Variants in RGS6 observed in about 807,000 individuals in gnomAD.
RGS6 encodes the protein regulator of G protein signaling 6, also known as regulator of G-protein signaling 6.
In RGS6, 30 loss-of-function variants were observed where a neutral mutation model predicts 78.5. The observed-to-expected ratio is 0.38, with a 90% CI of 0.29 to 0.52. The LOEUF (loss-of-function observed/expected upper bound fraction) is 0.52. Ranked by LOEUF, RGS6 falls within the 20% of genes least tolerant of loss-of-function variation. RGS6 has a pLI of 0.85. For missense variants in RGS6, 495 were observed against 609.7 expected (o/e 0.81, Z 1.98); for synonymous variants, 206 against 206.0 (o/e 1.00, Z 0.00).
chr14:72,414,081 C>T (rs1166657757), intron 3 of RGS6, among the ~76,000 whole-genome samples: 3 of 152,034 alleles, frequency 2.0e-5, no homozygotes, highest in Non-Finnish European at 2.9e-5. Flanking sequence ...ATCTTTGTGG[C>T]GTTCTCTGTA....
chr14:71,990,750 A>G (rs1225933807), intron 2 of RGS6: 3 of 455,852 alleles, frequency 6.6e-6, no homozygotes, highest in African/African-American at 2.0e-5. Flanking sequence ...CCAAATTGCT[A>G]TCCTCTCTCC....
chr14:72,082,482 G>A (rs2094865301), intron 2 of RGS6, among the ~76,000 whole-genome samples: 1 of 151,874 alleles, frequency 6.6e-6, no homozygotes, highest in Non-Finnish European at 1.5e-5. Flanking sequence ...TTTGTATGTT[G>A]ATTTTGTATC....
chr14:72,001,759 A>G (rs888310742), intron 2 of RGS6, among the ~76,000 whole-genome samples: 4 of 152,108 alleles, frequency 2.6e-5, no homozygotes, highest in African/African-American at 7.2e-5. Flanking sequence ...CCTCATCTAT[A>G]TTTAAACAGT....
At chr14:72,322,262 T>C (rs114663701) in intron 2 of RGS6, among the ~76,000 whole-genome samples, 345 of 152,132 alleles carry the variant, frequency 2.3e-3, no homozygotes, top group African/African-American at 7.9e-3. Flanking sequence ...GTTAGCTCTT[T>C]ATGAAAAATC....
intron 2 of RGS6, among the ~76,000 whole-genome samples, chr14:72,001,728 T>C (rs1445554735): frequency 6.6e-6 from 1 of 152,096 alleles, no homozygotes; most frequent in Non-Finnish European, 1.5e-5. Context: ...ATGAGTACTT[T>C]TCCCCTGGTG....
intron 2 of RGS6, among the ~76,000 whole-genome samples, chr14:72,093,906 G>A (rs1388229151): frequency 1.3e-5 from 2 of 152,034 alleles, no homozygotes; most frequent in Non-Finnish European, 2.9e-5. Context: ...GGTTCTAGAG[G>A]TAAACAGAAC....
intron 2 of RGS6, among the ~76,000 whole-genome samples, chr14:72,064,411 T>G (rs927170385): frequency 1.3e-5 from 2 of 152,192 alleles, no homozygotes; most frequent in Non-Finnish European, 2.9e-5. Flanking sequence ...AAAGAGACAT[T>G]TAAAAATTAC....
intron 3 of RGS6, among the ~76,000 whole-genome samples, chr14:72,409,099 T>C (rs2093186857): frequency 6.6e-6 from 1 of 152,228 alleles, no homozygotes; most frequent in African/African-American, 2.4e-5. Flanking sequence ...GAGATTCCAG[T>C]GAGGGGTCCC....
intron 2 of RGS6, among the ~76,000 whole-genome samples, chr14:72,041,469 A>C (rs748269415): frequency 6.6e-6 from 1 of 152,226 alleles, no homozygotes; most frequent in Non-Finnish European, 1.5e-5. Context: ...TGTCCAAAGT[A>C]TACCAGTTTC....
chr14:71,917,871 T>C, the RGS6 span, among the ~76,000 whole-genome samples: 3 of 152,068 alleles, frequency 2.0e-5, no homozygotes, highest in African/African-American at 7.2e-5. Flanking sequence ...GGTGGGGTTT[T>C]CCTGTCAATT....
rs1161511163 is a variant in RGS6 at position 72,459,632 on chromosome 14, G to C, written c.343G>C (p.Ala115Pro). Residue 115 changes from alanine (A) to proline (P), a missense_variant and splice_region_variant, in exon 6 of 18, where the codon GCT (alanine) becomes CCT (proline). Ala to Pro is a conservative substitution (Grantham distance 27, BLOSUM62 -1). Transcript: ENST00000553525. ...CACTAACACCCATGCTCCTTTGCAGGCTCCGTACTTCTGGCCTTCGAACTG... is the reference window on the plus strand; with the variant it reads ...CACTAACACCCATGCTCCTTTGCAGCCTCCGTACTTCTGGCCTTCGAACTG... ...KDDGTFYRFQ[A>P]PYFWPSNCWE... 6.2e-7 allele frequency: 1 copy of C among 1,614,040 alleles called. No homozygotes were observed. Among genetic ancestry groups the C allele is most frequent in the Non-Finnish European group, 8.5e-7 (1 of 1,180,012 alleles).
At chr14:71,916,551 C>A in the RGS6 span, among the ~76,000 whole-genome samples, 1 of 152,160 alleles carries the variant, frequency 6.6e-6, no homozygotes, top group Non-Finnish European at 1.5e-5. Flanking sequence ...AGCCTGATTT[C>A]AAGCATGAAT....
chr14:72,579,948 A>T, the RGS6 span, among the ~76,000 whole-genome samples: 1 of 152,198 alleles, frequency 6.6e-6, no homozygotes. Flanking sequence ...AGATCTGGAC[A>T]ATAGGAAAGA....
In RGS6 at chr14:72,367,832, C is replaced by T. The variant is rs767502970; in HGVS notation, c.184+15638C>T. Among the ~76,000 whole-genome samples, 220 of 152,294 alleles carry T rather than the reference C, an allele frequency of 1.4e-3. 2 individuals are homozygous for T. Among genetic ancestry groups the T allele is most frequent in the Non-Finnish European group, 7.2e-4 (49 of 68,022 alleles). Reference sequence around the variant, plus strand: ...GTGTGACCTTGAGCTAGTCACCAACCTCTTTGGGCCTCAGTTTTCTCACCT... The same window carrying T: ...GTGTGACCTTGAGCTAGTCACCAACTTCTTTGGGCCTCAGTTTTCTCACCT... On this transcript the variant is annotated intron_variant, in intron 3 of 17. Coordinates refer to ENST00000553525, the MANE Select transcript of RGS6 (RefSeq NM_001204424.2).
chr14:72,296,675 G>A lies in RGS6; in HGVS notation c.85-55420G>A, dbSNP rs567676589. On this transcript the variant is annotated intron_variant, in intron 2 of 17. Coordinates refer to ENST00000553525, the MANE Select transcript of RGS6 (RefSeq NM_001204424.2). ...TAAAAAATTGTGTTGTCTTTTTATT[G>A]TTAAATTGTAGGAGTTCTTTGTAAG... 2.6e-5 allele frequency among the ~76,000 whole-genome samples: 4 copies of A among 152,092 alleles called. No individual in the cohort carries two copies. In the South Asian group the frequency reaches 8.3e-4, roughly 32 times the overall value.
intron 1 of RGS6, among the ~76,000 whole-genome samples, chr14:71,939,355 C>T (rs1226785660): frequency 6.6e-6 from 1 of 152,202 alleles, no homozygotes; most frequent in Admixed American, 6.5e-5. Context: ...AATGTCTCAC[C>T]AGTAAGTCCA....
chr14:72,476,049 T>A (rs2096237518), intron 10 of RGS6, among the ~76,000 whole-genome samples: 2 of 152,246 alleles, frequency 1.3e-5, no homozygotes, highest in South Asian at 4.1e-4. Flanking sequence ...CTTCTGCATT[T>A]TGATGATTTT....
At chr14:71,936,030 A>ATATATACACATATATATATATATATATG (rs1555390439) in intron 1 of RGS6, among the ~76,000 whole-genome samples, 48 of 133,220 alleles carry the variant, frequency 3.6e-4, no homozygotes, top group Admixed American at 1.9e-3. Context: ...ATATATATAT[A>ATATATACACATATATATATATATATATG]TATATATATA....
chr14:72,384,757 T>C (rs971160289), intron 3 of RGS6, among the ~76,000 whole-genome samples: 2 of 152,224 alleles, frequency 1.3e-5, no homozygotes, highest in Non-Finnish European at 2.9e-5. Context: ...TTATTTTTAT[T>C]TTTTATTTTT....
Sources: gnomAD v4.1 joint callset for allele counts (sites outside exome capture counted in the v4.1 genomes callset) on GRCh38, gnomAD v4.1.1 for gene constraint, MANE v1.5 for transcripts, NCBI Gene and HGNC (gene_info 2026-07-23, HGNC 2026-07-21) for gene names.